Variants in SIN3B observed in about 807,000 individuals in gnomAD.
SIN3B encodes the protein paired amphipathic helix protein Sin3b.
Under a neutral mutation model 120.2 loss-of-function variants are expected in SIN3B, and 19 were observed. The ratio of observed to expected loss-of-function variants is 0.16; its 90% confidence interval spans 0.11 to 0.23. The LOEUF is 0.23. SIN3B is among the 10% of genes least tolerant of loss of function. The pLI is 1.00. For synonymous variants in SIN3B, 654 were observed against 653.2 expected, an observed-to-expected ratio of 1.00 and a Z score of -0.02; for missense variants, 1,073 against 1,573.0, an observed-to-expected ratio of 0.68 and a Z score of 5.38.
In SIN3B at chr19:16,878,163, C is replaced by G; in HGVS notation, c.2955-20C>G. On this transcript the variant is annotated intron_variant, in intron 17 of 18. Transcript: ENST00000248054. ...ACAATGCCGAGAGCCAGAGTCCATT[C>G]CACCTCCTTTCGCCCCCAGGAACCT... 6.5e-7 allele frequency: 1 copy of G among 1,538,596 alleles called. No individual in the cohort carries two copies. Among genetic ancestry groups the G allele is most frequent in the Non-Finnish European group, 8.8e-7 (1 of 1,138,292 alleles).
At chr19:16,843,844 TTTC>T (rs762564876) in intron 4 of SIN3B, among the ~76,000 whole-genome samples, 7,215 of 69,840 alleles carry the variant, frequency 0.1, 241 homozygotes, top group Middle Eastern at 0.23. Flanking sequence ...ATCGGCACAG[TTTC>T]TTTTTTTGTT....
intron 14 of SIN3B, among the ~76,000 whole-genome samples, chr19:16,875,110 TGGTCTGGTTTGGTTTTG>T (rs2051572842): frequency 6.6e-6 from 1 of 151,168 alleles, no homozygotes. Context: ...TGATCTGGTC[TGGTCTGGTTTGGTTTTG>T]GTTTGGTCTG....
chr19:16,860,294 C>A (rs1328824350), intron 8 of SIN3B, among the ~76,000 whole-genome samples: 1 of 152,228 alleles, frequency 6.6e-6, no homozygotes, highest in African/African-American at 2.4e-5. Context: ...GGAACTGCCC[C>A]TCGCAGCTGG....
intron 5 of SIN3B, among the ~76,000 whole-genome samples, chr19:16,847,610 G>A (rs751617362): frequency 4.6e-5 from 7 of 152,218 alleles, no homozygotes; most frequent in Admixed American, 2.0e-4. Flanking sequence ...AGAGATGGGC[G>A]AGGAGGGGCC....
chr19:16,842,405 CTTTTTT>C (rs764926291), intron 4 of SIN3B, among the ~76,000 whole-genome samples: 1 of 126,898 alleles, frequency 7.9e-6, no homozygotes, highest in Middle Eastern at 4.5e-3. Flanking sequence ...GCCCAGCCAC[CTTTTTT>C]TTTTTTTTTT....
chr19:16,874,296 AGGTCTGGTCTGGTCTAGTTTTGGTCT>A (rs1471227968), intron 14 of SIN3B, among the ~76,000 whole-genome samples: 37 of 151,830 alleles, frequency 2.4e-4, no homozygotes, highest in Admixed American at 6.6e-4. Flanking sequence ...TGTTTTGTTC[AGGTCTGGTCTGGTCTAGTTTTGGTCT>A]GGTCTGGTCT....
rs1430627738 is a variant in SIN3B, at chr19:16,854,223, T to A, written c.1020T>A (p.Ser340=). ...CACTCTTCAACCAGGAGCTGGTGTC[T>A]GGCTCTGAGCTCCTGCAGCTCGTCA... ...CIALFNQELV[S]GSELLQLVSP... Residue 340 remains serine (S), a synonymous_variant, in exon 8 of 19, where the codon TCT becomes TCA. Transcript: ENST00000248054. The A allele has an allele frequency of 3.7e-6, 6 of 1,612,886 alleles. No individual in the cohort carries two copies. In the Admixed American group the frequency reaches 8.3e-5, roughly 22 times the overall value.
At chr19:16,864,495 G>GTTGT (rs1185501508) in intron 10 of SIN3B, among the ~76,000 whole-genome samples, 4 of 150,106 alleles carry the variant, frequency 2.7e-5, no homozygotes, top group Non-Finnish European at 4.4e-5. Context: ...TGCCCAAGTT[G>GTTGT]TTTTTTTTAC....
chr19:16,862,801 T>C lies in SIN3B; in HGVS notation c.1266+242T>C. Reference sequence around the variant, plus strand: ...AGGGATAACGTGGAGTTCGGCTTATTCATCTGTTATTTGACTTAGGTTTAT... The same window carrying C: ...AGGGATAACGTGGAGTTCGGCTTATCCATCTGTTATTTGACTTAGGTTTAT... On this transcript the variant is annotated intron_variant, in intron 9 of 18. Coordinates refer to ENST00000248054, the MANE Select transcript of SIN3B (RefSeq NM_001297595.2). This position sits in a 1 kb window ranked among gnomAD's most constrained non-coding sequence, Gnocchi z 4.7. 1 of 1,166,766 alleles carries C rather than the reference T, an allele frequency of 8.6e-7. No homozygotes were observed. 72.3% of individuals were successfully genotyped at this position (1,166,766 alleles called of 1,614,324 possible).
chr19:16,839,886 C>A (rs746046636), intron 3 of SIN3B, among the ~76,000 whole-genome samples: 3 of 152,066 alleles, frequency 2.0e-5, no homozygotes, highest in Non-Finnish European at 4.4e-5. Context: ...CGTGGTCGCA[C>A]GGCACCTGTG....
rs780918073 is a variant in SIN3B, at chr19:16,876,049, C to T, written c.2593-6C>T. 2.8e-5 allele frequency: 43 copies of T among 1,545,842 alleles called. No homozygotes were observed. The highest frequency in any genetic ancestry group is 8.4e-5 in the South Asian group (7 of 83,766). ...GTGGCCGCACCACCTGCTTTCCTCC[C>T]GCCAGCTGCACCACCTCGTGAGCGA... On this transcript the variant is annotated splice_polypyrimidine_tract_variant and splice_region_variant and intron_variant, in intron 14 of 18. Transcript: ENST00000248054. The surrounding 1 kb of genome is among the most constrained non-coding windows in gnomAD (Gnocchi z 7.1).
intron 8 of SIN3B, among the ~76,000 whole-genome samples, chr19:16,859,458 T>A (rs191853074): frequency 1.2e-3 from 178 of 152,284 alleles, no homozygotes; most frequent in Non-Finnish European, 2.1e-3. Flanking sequence ...TTGTCTCTAG[T>A]CCTCCCTGTA....
chr19:16,855,933 T>G (rs980318246), intron 8 of SIN3B, among the ~76,000 whole-genome samples: 1 of 151,992 alleles, frequency 6.6e-6, no homozygotes, highest in African/African-American at 2.4e-5. Context: ...GGCACACGCC[T>G]GTTGTCCCAG....
At chr19:16,843,464 G>A (rs1347761221) in intron 4 of SIN3B, among the ~76,000 whole-genome samples, 2 of 152,212 alleles carry the variant, frequency 1.3e-5, no homozygotes, top group African/African-American at 2.4e-5. Context: ...CCCTAAGAAC[G>A]CTTGTTTGTC....
At chr19:16,850,653 G>A (rs1971532682) in intron 5 of SIN3B, among the ~76,000 whole-genome samples, 1 of 152,214 alleles carries the variant, frequency 6.6e-6, no homozygotes, top group Non-Finnish European at 1.5e-5. Flanking sequence ...GGTGACCGCA[G>A]TGGCACAGAA....
At chr19:16,846,514 G>A (rs1383716022) in intron 4 of SIN3B, 1 of 154,408 alleles carries the variant, frequency 6.5e-6, no homozygotes, top group Non-Finnish European at 1.4e-5. Flanking sequence ...GTTCCCTTTG[G>A]TCCTCTTGTT....
intron 8 of SIN3B, 196 bp downstream of exon 8, chr19:16,854,457 G>A (rs1218700391): frequency 1.8e-6 from 1 of 543,086 alleles, no homozygotes; most frequent in African/African-American, 1.9e-5. Flanking sequence ...CCTCCAGCTG[G>A]TTCCTTTACC....
rs781732016 is a variant in SIN3B at position 16,878,216 on chromosome 19, C to T, written c.2988C>T (p.Ser996=). The part of the protein sequence containing the change: ...NLKKFRRRWQ[S]EQARALRGEA... ...AGAAGTTCCGCCGCCGGTGGCAGAG[C>T]GAGCAGGCGCGGGCCCTGCGCGGTG... Residue 996 remains serine, a synonymous_variant, in exon 18 of 19, where the codon AGC becomes AGT. Transcript: ENST00000248054. 83 of 1,588,174 alleles carry T rather than the reference C, an allele frequency of 5.2e-5. No homozygotes were observed. The Middle Eastern group carries it at 8.3e-4, about 16-fold the overall frequency.
chr19:16,841,624 A>T (rs1242588652), intron 3 of SIN3B, 144 bp from the exon 4 acceptor site: 1 of 744,088 alleles, frequency 1.3e-6, no homozygotes, highest in Non-Finnish European at 2.2e-6. Flanking sequence ...CCAGGCTCTC[A>T]GAAGTAACCT....
Sources: gnomAD v4.1 joint callset for allele counts (sites outside exome capture counted in the v4.1 genomes callset) on GRCh38, gnomAD v4.1.1 for gene constraint, Gnocchi (gnomAD v3.1) non-coding constraint, MANE v1.5 for transcripts, NCBI Gene and HGNC (gene_info 2026-07-23, HGNC 2026-07-21) for gene names.